Variants in PDE8B observed in about 807,000 individuals in gnomAD.
PDE8B encodes the protein high affinity cAMP-specific and IBMX-insensitive 3',5'-cyclic phosphodiesterase 8B.
In PDE8B, 26 loss-of-function variants were observed where a neutral mutation model predicts 101.3. That is an observed-to-expected ratio of 0.26 (90% CI 0.19 to 0.36). PDE8B has a LOEUF of 0.36. Ranked by LOEUF, PDE8B falls within the 10% of genes least tolerant of loss-of-function variation. The pLI is 1.00. For missense variants in PDE8B, 810 were observed against 1,163.1 expected (o/e 0.70, Z 4.42); for synonymous variants, 424 against 429.3 (o/e 0.99, Z 0.15).
chr5:77,254,385 A>AT (rs1758684434), intron 1 of PDE8B, among the ~76,000 whole-genome samples: 1 of 150,194 alleles, frequency 6.7e-6, no homozygotes, highest in East Asian at 1.9e-4. Context: ...AAATTCAGTC[A>AT]TTAAAAAAAA....
chr5:77,133,112 A>T, the PDE8B span, among the ~76,000 whole-genome samples: 1 of 152,160 alleles, frequency 6.6e-6, no homozygotes, highest in Non-Finnish European at 1.5e-5. Flanking sequence ...TTTCTCCCTC[A>T]CCCTGACTTA....
At chr5:77,303,919 C>G (rs903344290) in intron 1 of PDE8B, among the ~76,000 whole-genome samples, 4 of 151,980 alleles carry the variant, frequency 2.6e-5, no homozygotes, top group Admixed American at 1.3e-4. Context: ...TATGGCTAGT[C>G]CTTGATACAT....
chr5:77,404,835 T>C (rs1429411980), intron 12 of PDE8B, 38 bp downstream of exon 12: 1 of 1,301,614 alleles, frequency 7.7e-7, no homozygotes, highest in Middle Eastern at 1.8e-4. Context: ...CTTTTTAAAA[T>C]GTAGAAAATG....
chr5:77,156,658 A>ATCAAGAAAACTGTG, the PDE8B span, among the ~76,000 whole-genome samples: 1 of 152,214 alleles, frequency 6.6e-6, no homozygotes, highest in African/African-American at 2.4e-5. Context: ...AATCAGTGTT[A>ATCAAGAAAACTGTG]TCAAGAAAAC....
At chr5:77,178,014 A>G in the PDE8B span, among the ~76,000 whole-genome samples, 4 of 152,344 alleles carry the variant, frequency 2.6e-5, no homozygotes, top group Non-Finnish European at 2.9e-5. Flanking sequence ...TGGTTTTAAG[A>G]TACTGTCAAT....
intron 2 of PDE8B, among the ~76,000 whole-genome samples, chr5:77,321,746 CT>C (rs1464196357): frequency 6.6e-6 from 1 of 152,162 alleles, no homozygotes; most frequent in Admixed American, 6.5e-5. Flanking sequence ...GAAAAGCAGT[CT>C]TTCTAAATTT....
At chr5:77,295,261 G>A (rs575454976) in intron 1 of PDE8B, among the ~76,000 whole-genome samples, 3 of 152,248 alleles carry the variant, frequency 2.0e-5, no homozygotes, top group African/African-American at 7.2e-5. Context: ...AAAACTGTGC[G>A]AACATGCCAG....
At chr5:77,250,259 T>G (rs1757805067) in intron 1 of PDE8B, among the ~76,000 whole-genome samples, 1 of 151,868 alleles carries the variant, frequency 6.6e-6, no homozygotes, top group Non-Finnish European at 1.5e-5. Context: ...AGAAATAGAG[T>G]TGTTAACTTC....
At chr5:77,128,665 A>C in the PDE8B span, among the ~76,000 whole-genome samples, 1 of 152,222 alleles carries the variant, frequency 6.6e-6, no homozygotes, top group African/African-American at 2.4e-5. Context: ...GGTGCTCAAG[A>C]GTTCTGGTCC....
rs193132731 is a variant in PDE8B, at chr5:77,256,699, C to T, written c.339+45435C>T. On this transcript the variant is annotated intron_variant, in intron 1 of 21. Transcript: ENST00000264917. ...CCTTATTTCTGTATTCAGACATCAA[C>T]ATCACTGGTGTTTAGAATGATAATA... Among the ~76,000 whole-genome samples the T allele has an allele frequency of 1.6e-3, 237 of 152,286 alleles. 2 individuals are homozygous for T. The highest frequency in any genetic ancestry group is 0.014 in the Admixed American group (212 of 15,300).
At chr5:77,112,776 T>G in the PDE8B span, 1 of 152,186 alleles carries the variant, frequency 6.6e-6, no homozygotes, top group Non-Finnish European at 1.5e-5. Context: ...CCCCATCATC[T>G]CAGCCCAAAA....
chr5:77,090,333 G>A, the PDE8B span, among the ~76,000 whole-genome samples: 58 of 152,130 alleles, frequency 3.8e-4, no homozygotes, highest in South Asian at 0.011. Flanking sequence ...TCCGCCTCCC[G>A]GGAGCTTGTG....
chr5:77,286,691 T>C (rs1434628540), intron 1 of PDE8B, among the ~76,000 whole-genome samples: 1 of 152,250 alleles, frequency 6.6e-6, no homozygotes, highest in Non-Finnish European at 1.5e-5. Flanking sequence ...TGACATTAAA[T>C]ATAATTAGTC....
At chr5:77,330,439 G>T (rs1017151309) in intron 4 of PDE8B, among the ~76,000 whole-genome samples, 1 of 152,192 alleles carries the variant, frequency 6.6e-6, no homozygotes, top group African/African-American at 2.4e-5. Flanking sequence ...AAATGAATGT[G>T]TGTGTCTATG....
At chr5:77,300,197 C>T (rs193093240) in intron 1 of PDE8B, among the ~76,000 whole-genome samples, 4 of 152,268 alleles carry the variant, frequency 2.6e-5, no homozygotes, top group African/African-American at 9.6e-5. Context: ...CAAGGGAGCC[C>T]CTTGTTCTCA....
At chr5:77,175,874 C>T in the PDE8B span, among the ~76,000 whole-genome samples, 1 of 152,142 alleles carries the variant, frequency 6.6e-6, no homozygotes, top group African/African-American at 2.4e-5. Flanking sequence ...TAGATACGCA[C>T]ATACATATAT....
the PDE8B span, among the ~76,000 whole-genome samples, chr5:77,184,740 G>T: frequency 6.6e-6 from 1 of 152,090 alleles, no homozygotes; most frequent in Non-Finnish European, 1.5e-5. Flanking sequence ...AGCACTTTAG[G>T]GGGCTGAGGC....
the PDE8B span, among the ~76,000 whole-genome samples, chr5:77,194,602 C>T: frequency 1.2e-4 from 19 of 152,224 alleles, no homozygotes; most frequent in Admixed American, 7.9e-4. Flanking sequence ...TTACATTCCC[C>T]AGCCCCTTTA....
chr5:77,103,342 A>G, the PDE8B span, among the ~76,000 whole-genome samples: 1 of 152,230 alleles, frequency 6.6e-6, no homozygotes, highest in Non-Finnish European at 1.5e-5. Flanking sequence ...TTTCCTATTT[A>G]CTAGTATGAT....
Sources: gnomAD v4.1 joint callset for allele counts (sites outside exome capture counted in the v4.1 genomes callset) on GRCh38, gnomAD v4.1.1 for gene constraint, MANE v1.5 for transcripts, NCBI Gene and HGNC (gene_info 2026-07-23, HGNC 2026-07-21) for gene names.